The following CNTN5 variants were observed in gnomAD, a reference collection of about 807,000 sequenced individuals.
CNTN5 encodes contactin-5.
Under a neutral mutation model 129.1 loss-of-function variants are expected in CNTN5, and 77 were observed. The ratio of observed to expected loss-of-function variants is 0.60; its 90% confidence interval spans 0.50 to 0.72. CNTN5 has a LOEUF of 0.72. CNTN5 is among the 30% of genes least tolerant of loss of function. The pLI is 0.00. For synonymous variants in CNTN5, 509 were observed against 465.6 expected, an observed-to-expected ratio of 1.09 and a Z score of -1.20; for missense variants, 1,478 against 1,328.8, an observed-to-expected ratio of 1.11 and a Z score of -1.75.
In CNTN5 at chr11:99,763,823, G is replaced by A. The variant is rs568629553; in HGVS notation, c.56-55721G>A. On this transcript the variant is annotated intron_variant, in intron 3 of 24. Transcript: ENST00000524871. ...GTGTGTGTAGAGAAATAGAACAACC[G>A]TAAAAAATCTCAAGCATAACCATAT... Among the ~76,000 whole-genome samples the A allele has an allele frequency of 4.0e-4, 61 of 151,878 alleles. 1 individual carries two copies. Among genetic ancestry groups the A allele is most frequent in the South Asian group, 1.5e-3 (7 of 4,814 alleles).
At chr11:99,283,646 A>G (rs1341731754) in intron 1 of CNTN5, among the ~76,000 whole-genome samples, 1 of 152,176 alleles carries the variant, frequency 6.6e-6, no homozygotes, top group Non-Finnish European at 1.5e-5. Flanking sequence ...GTTGTTTGCT[A>G]GTTTGTAACG....
At chr11:99,133,381 C>CG (rs1859043354) in intron 1 of CNTN5, among the ~76,000 whole-genome samples, 1 of 150,646 alleles carries the variant, frequency 6.6e-6, no homozygotes, top group Admixed American at 6.6e-5. Context: ...AAAGCAATTG[C>CG]AAAAAAAAGG....
intron 1 of CNTN5, among the ~76,000 whole-genome samples, chr11:99,119,785 C>T (rs1026772340): frequency 2.0e-5 from 3 of 152,030 alleles, no homozygotes; most frequent in Admixed American, 6.6e-5. Context: ...TCTCCACAAC[C>T]CCACCAGCAC....
At chr11:100,343,764 C>T (rs77503841) in intron 23 of CNTN5, among the ~76,000 whole-genome samples, 4,228 of 152,084 alleles carry the variant, frequency 0.028, 187 homozygotes, top group African/African-American at 0.095. Context: ...TATAGAATGA[C>T]CAGGGCTGGG....
intron 21 of CNTN5, among the ~76,000 whole-genome samples, chr11:100,327,987 CA>C (rs1244134408): frequency 2.0e-5 from 3 of 151,952 alleles, no homozygotes; most frequent in African/African-American, 7.3e-5. Flanking sequence ...ATTGAGTTAG[CA>C]GTGATCACTG....
chr11:100,254,370 T>G (rs1393487422), intron 16 of CNTN5, among the ~76,000 whole-genome samples: 2 of 152,126 alleles, frequency 1.3e-5, no homozygotes, highest in South Asian at 2.1e-4. Context: ...CCAAAATGAG[T>G]TCTCTCAACG....
intron 3 of CNTN5, among the ~76,000 whole-genome samples, chr11:99,771,877 A>T (rs1944958062): frequency 6.6e-6 from 1 of 151,992 alleles, no homozygotes; most frequent in Non-Finnish European, 1.5e-5. Flanking sequence ...AAAATTCCTA[A>T]AGAAAGGGAA....
intron 4 of CNTN5, among the ~76,000 whole-genome samples, chr11:99,820,917 A>T (rs546857410): frequency 6.6e-6 from 1 of 152,368 alleles, no homozygotes; most frequent in East Asian, 1.9e-4. Context: ...TTGTGGTGCC[A>T]GGTGCAGGCA....
At chr11:99,582,224 G>A (rs1380100147) in intron 3 of CNTN5, among the ~76,000 whole-genome samples, 2 of 152,106 alleles carry the variant, frequency 1.3e-5, no homozygotes, top group Non-Finnish European at 2.9e-5. Flanking sequence ...TCCATTTGTG[G>A]GTAACCCGAC....
At chr11:99,570,057 C>T (rs1251049827) in intron 3 of CNTN5, among the ~76,000 whole-genome samples, 1 of 151,730 alleles carries the variant, frequency 6.6e-6, no homozygotes, top group Admixed American at 6.6e-5. Context: ...TCAGGCTGCT[C>T]AGCCTCATGT....
chr11:100,356,008 G>A (rs1952514337), intron 24 of CNTN5, 109 bp from the exon 25 acceptor site: 2 of 702,424 alleles, frequency 2.8e-6, no homozygotes, highest in Non-Finnish European at 5.0e-6. Flanking sequence ...ACTCTCATCA[G>A]AAACAGGAGC....
chr11:100,229,339 C>A (rs1949445313), intron 16 of CNTN5, among the ~76,000 whole-genome samples: 1 of 152,112 alleles, frequency 6.6e-6, no homozygotes, highest in Non-Finnish European at 1.5e-5. Flanking sequence ...ATAATGTTAC[C>A]AAACTATATA....
chr11:99,819,081 C>T (rs1046145274), intron 3 of CNTN5, among the ~76,000 whole-genome samples: 5 of 151,546 alleles, frequency 3.3e-5, no homozygotes, highest in African/African-American at 9.7e-5. Context: ...ATGTTGGTTT[C>T]CTCACTGCAT....
intron 1 of CNTN5, among the ~76,000 whole-genome samples, chr11:99,305,130 T>C (rs1864816988): frequency 6.6e-6 from 1 of 152,168 alleles, no homozygotes; most frequent in Admixed American, 6.5e-5. Flanking sequence ...TACATCACTC[T>C]AGGAGCAAGC....
chr11:99,574,341 T>C (rs1949276891), intron 3 of CNTN5, among the ~76,000 whole-genome samples: 1 of 152,234 alleles, frequency 6.6e-6, no homozygotes, highest in Non-Finnish European at 1.5e-5. Context: ...ATTTCCTTGC[T>C]ATTGTGAATA....
chr11:100,144,320 T>C (rs1946785576), intron 13 of CNTN5, among the ~76,000 whole-genome samples: 1 of 152,134 alleles, frequency 6.6e-6, no homozygotes, highest in African/African-American at 2.4e-5. Context: ...AACCCATCAC[T>C]GAAATAATAA....
intron 6 of CNTN5, among the ~76,000 whole-genome samples, chr11:99,899,957 C>T (rs1949310425): frequency 6.6e-6 from 1 of 151,842 alleles, no homozygotes; most frequent in Non-Finnish European, 1.5e-5. Context: ...CTAGTTCAAT[C>T]CTGGAAGTTT....
At chr11:100,243,692 C>G (rs1007164760) in intron 16 of CNTN5, among the ~76,000 whole-genome samples, 1 of 152,160 alleles carries the variant, frequency 6.6e-6, no homozygotes, top group Non-Finnish European at 1.5e-5. Context: ...TCAAATGAAA[C>G]AGCACTGACT....
At chr11:100,091,424 CTTTTTTTTTTTTTTT>C (rs60075209) in intron 13 of CNTN5, among the ~76,000 whole-genome samples, 1 of 114,442 alleles carries the variant, frequency 8.7e-6, no homozygotes, top group African/African-American at 3.6e-5. Context: ...TTTATTTATT[CTTTTTTTTTTTTTTT>C]TTTTTTTGAG....
Sources: gnomAD v4.1 joint callset for allele counts (sites outside exome capture counted in the v4.1 genomes callset) on GRCh38, gnomAD v4.1.1 for gene constraint, MANE v1.5 for transcripts, NCBI Gene and HGNC (gene_info 2026-07-23, HGNC 2026-07-21) for gene names.